The following MYO5B variants were observed in gnomAD, a reference collection of about 807,000 sequenced individuals.
MYO5B encodes myosin VB, also known as unconventional myosin-Vb.
In MYO5B, 143 loss-of-function variants were observed where a neutral mutation model predicts 229.3. The ratio of observed to expected loss-of-function variants is 0.62; its 90% CI spans 0.54 to 0.72. The LOEUF is 0.72. Ranked by LOEUF, MYO5B falls within the 30% of genes least tolerant of loss-of-function variation. The pLI, the probability that MYO5B is intolerant of heterozygous loss-of-function variation, is 0.00. For missense variants in MYO5B, 2,321 were observed against 2,331.0 expected (o/e 1.00, Z 0.09); for synonymous variants, 918 against 885.2 (o/e 1.04, Z -0.66).
rs774318385 is a variant in MYO5B at position 49,872,167 on chromosome 18, CT to C, written c.3602del (p.Lys1201ArgfsTer12). On this transcript the variant is annotated frameshift_variant and splice_region_variant, in exon 27 of 40. Coordinates refer to ENST00000285039, the MANE Select transcript of MYO5B (RefSeq NM_001080467.3). LOFTEE classifies it high-confidence loss of function. ...GAAGCCTGTCCCCCAAGAATCTTACCTTCAGACTATTGTAGGCCAGATCTGC... is the reference window on the plus strand; with the variant it reads ...GAAGCCTGTCCCCCAAGAATCTTACCTCAGACTATTGTAGGCCAGATCTGC... ...PNADLAYNSL[K>X]RQELESENKK... 5.6e-6 allele frequency: 9 copies of C among 1,614,006 alleles called. No homozygotes were observed.
At chr18:50,128,116 TGTGTGAGTAA>T (rs1453946862) in intron 1 of MYO5B, among the ~76,000 whole-genome samples, 1 of 152,214 alleles carries the variant, frequency 6.6e-6, no homozygotes, top group East Asian at 1.9e-4. Context: ...CCTCTGTAAT[TGTGTGAGTAA>T]TTCCATAATA....
rs56278513 is a variant in MYO5B, at chr18:49,929,610, GAAAA to G, written c.2004-16_2004-13del. Reference sequence around the variant, plus strand: ...TCTTTGGGTCAAAGCTGCCAAAGGAGAAAAAAAAAAAAAAAAGCAAGACAAGAGA... The same window carrying G: ...TCTTTGGGTCAAAGCTGCCAAAGGAGAAAAAAAAAAAAGCAAGACAAGAGA... On this transcript the variant is annotated splice_polypyrimidine_tract_variant and intron_variant, in intron 16 of 39. Transcript: ENST00000285039. 602 of 1,283,204 alleles carry G rather than the reference GAAAA, an allele frequency of 4.7e-4. No homozygotes were observed. The highest frequency in any genetic ancestry group is 5.5e-4 in the Admixed American group (25 of 45,102). The allele number at this position is 1,283,204 out of a possible 1,614,324, so 79.5% of individuals were successfully genotyped here.
chr18:50,011,036 T>G (rs138179450), intron 4 of MYO5B, among the ~76,000 whole-genome samples: 130 of 152,214 alleles, frequency 8.5e-4, no homozygotes, highest in African/African-American at 3.0e-3. Context: ...ATCCATACAT[T>G]TTTTAAAATT....
chr18:49,951,869 C>T (rs1035542441), intron 14 of MYO5B, among the ~76,000 whole-genome samples: 2 of 152,206 alleles, frequency 1.3e-5, no homozygotes, highest in Non-Finnish European at 2.9e-5. Flanking sequence ...TGCCTTGGGG[C>T]TCCTCCCTAT....
chr18:50,183,462 A>C (rs1355408), intron 1 of MYO5B, among the ~76,000 whole-genome samples: 77,313 of 150,814 alleles, frequency 0.51, 19,974 homozygotes, highest in Admixed American at 0.59. Context: ...CAAGAAGATG[A>C]GGAAAGGCTT....
chr18:50,137,021 G>A (rs761538861), intron 1 of MYO5B, among the ~76,000 whole-genome samples: 1 of 152,252 alleles, frequency 6.6e-6, no homozygotes, highest in African/African-American at 2.4e-5. Context: ...GGGTCTGGGA[G>A]GGAGGCTAGT....
intron 5 of MYO5B, among the ~76,000 whole-genome samples, chr18:49,998,200 G>A (rs1178645827): frequency 6.6e-6 from 1 of 152,066 alleles, no homozygotes; most frequent in Non-Finnish European, 1.5e-5. Flanking sequence ...AACACTTAAT[G>A]ACAGCTCAAG....
chr18:49,920,455 A>C (rs1046286513), intron 17 of MYO5B, among the ~76,000 whole-genome samples: 5 of 152,128 alleles, frequency 3.3e-5, no homozygotes, highest in Admixed American at 3.3e-4. Flanking sequence ...CACCATCAGA[A>C]ACACTCCATG....
At chr18:49,834,159 A>C (rs1364350385) in intron 39 of MYO5B, among the ~76,000 whole-genome samples, 1 of 152,002 alleles carries the variant, frequency 6.6e-6, no homozygotes, top group African/African-American at 2.4e-5. Context: ...CACTGTAAGG[A>C]GCTCCAAATA....
At chr18:50,144,533 A>G (rs2032469964) in intron 1 of MYO5B, among the ~76,000 whole-genome samples, 1 of 152,198 alleles carries the variant, frequency 6.6e-6, no homozygotes, top group South Asian at 2.1e-4. Context: ...TCAGTGGAAA[A>G]TATAACTGAG....
chr18:50,094,300 A>C (rs2031508288), intron 1 of MYO5B, among the ~76,000 whole-genome samples: 1 of 152,240 alleles, frequency 6.6e-6, no homozygotes, highest in Non-Finnish European at 1.5e-5. Context: ...TGTTTAAGTA[A>C]GCAAAAGGCT....
chr18:49,893,076 C>T (rs1287980923), intron 22 of MYO5B, among the ~76,000 whole-genome samples: 1 of 152,170 alleles, frequency 6.6e-6, no homozygotes, highest in Non-Finnish European at 1.5e-5. Context: ...ATATTATAAA[C>T]TCTTATGCAC....
At chr18:49,942,558 A>G (rs1358320335) in intron 14 of MYO5B, among the ~76,000 whole-genome samples, 1 of 152,162 alleles carries the variant, frequency 6.6e-6, no homozygotes, top group African/African-American at 2.4e-5. Context: ...GGCGCAGGAT[A>G]TGAACAGACA....
chr18:50,026,251 A>T (rs2026329490), intron 4 of MYO5B, among the ~76,000 whole-genome samples: 1 of 152,138 alleles, frequency 6.6e-6, no homozygotes, highest in African/African-American at 2.4e-5. Flanking sequence ...ACAATCAAAT[A>T]ATTATTTGGT....
chr18:50,029,449 A>G (rs1258242608), intron 4 of MYO5B, among the ~76,000 whole-genome samples: 2 of 152,208 alleles, frequency 1.3e-5, no homozygotes, highest in Non-Finnish European at 2.9e-5. Context: ...TCCTAAAGCA[A>G]TTCTGACTAA....
chr18:50,038,488 G>A (rs965766199), intron 3 of MYO5B, among the ~76,000 whole-genome samples: 1 of 152,234 alleles, frequency 6.6e-6, no homozygotes, highest in Non-Finnish European at 1.5e-5. Flanking sequence ...CACTAATGCA[G>A]CTAATCACTT....
rs547223552 is a variant in MYO5B at position 49,974,695 on chromosome 18, C to A, written c.1057-80G>T. Reference sequence around the variant, plus strand: ...CCACCAATGTCTTCCACCCTCCTGCCCAGAGGGAAAACAAGCCAAACTCAA... The same window carrying A: ...CCACCAATGTCTTCCACCCTCCTGCACAGAGGGAAAACAAGCCAAACTCAA... On this transcript the variant is annotated intron_variant, in intron 9 of 39. Transcript: ENST00000285039. 26 of 1,536,316 alleles carry A rather than the reference C, an allele frequency of 1.7e-5. No homozygotes were observed. In the African/African-American group the frequency reaches 3.1e-4, roughly 18 times the overall value.
chr18:49,845,336 C>A (rs1323178265), intron 33 of MYO5B, among the ~76,000 whole-genome samples: 3 of 152,178 alleles, frequency 2.0e-5, no homozygotes, highest in Admixed American at 2.0e-4. Context: ...ACTAAAAACA[C>A]ACAAACCAAA....
At chr18:50,062,536 A>G (rs1255249890) in intron 1 of MYO5B, among the ~76,000 whole-genome samples, 1 of 152,228 alleles carries the variant, frequency 6.6e-6, no homozygotes, top group East Asian at 1.9e-4. Flanking sequence ...AACTATGAAA[A>G]CACCTTACCT....
Sources: gnomAD v4.1 joint callset for allele counts (sites outside exome capture counted in the v4.1 genomes callset) on GRCh38, gnomAD v4.1.1 for gene constraint, MANE v1.5 for transcripts, NCBI Gene and HGNC (gene_info 2026-07-23, HGNC 2026-07-21) for gene names.